Variants in SHISA9 observed in about 807,000 individuals in gnomAD.
SHISA9 encodes shisa family member 9.
SHISA9 carries 13 observed loss-of-function variants against 38.0 expected under a neutral mutation model. The ratio of observed to expected loss-of-function variants is 0.34; its 90% CI spans 0.22 to 0.54. The LOEUF is 0.54. SHISA9 is among the 20% of genes least tolerant of loss of function. The probability of loss-of-function intolerance (pLI) is 0.91; values close to 1 mark genes in which losing one functional copy is unlikely to be tolerated. For synonymous variants in SHISA9, 275 were observed against 242.0 expected (o/e 1.14, Z -1.27); for missense variants, 538 against 575.8 (o/e 0.93, Z 0.67).
chr16:13,197,156 TAGAG>T (rs369827299), intron 2 of SHISA9, among the ~76,000 whole-genome samples: 4,323 of 141,288 alleles, frequency 0.031, 78 homozygotes, highest in African/African-American at 0.04. Context: ...TATATATATA[TAGAG>T]AGAGAGAGAG....
At chr16:13,229,566 A>G (rs2051311372) in intron 4 of SHISA9, among the ~76,000 whole-genome samples, 1 of 152,196 alleles carries the variant, frequency 6.6e-6, no homozygotes, top group Non-Finnish European at 1.5e-5. Flanking sequence ...TCTGGGCCAC[A>G]ATCTCTGAAA....
intron 2 of SHISA9, among the ~76,000 whole-genome samples, chr16:13,028,917 G>A (rs895608954): frequency 2.0e-5 from 3 of 152,118 alleles, no homozygotes; most frequent in African/African-American, 7.2e-5. Flanking sequence ...GAGTGTGAGT[G>A]GGGGACGAGT....
At chr16:13,041,851 A>T (rs1338196512) in intron 2 of SHISA9, among the ~76,000 whole-genome samples, 8 of 152,178 alleles carry the variant, frequency 5.3e-5, no homozygotes, top group Admixed American at 5.2e-4. Flanking sequence ...CAATTCTAAT[A>T]AACTCCCTGG....
At chr16:13,551,103 G>T in the SHISA9 span, among the ~76,000 whole-genome samples, 1 of 148,594 alleles carries the variant, frequency 6.7e-6, no homozygotes, top group Non-Finnish European at 1.5e-5. Flanking sequence ...CAGCCTGGGC[G>T]ACAGTGAGAG....
At chr16:12,964,932 C>T (rs902621158) in intron 2 of SHISA9, among the ~76,000 whole-genome samples, 1 of 152,134 alleles carries the variant, frequency 6.6e-6, no homozygotes, top group Non-Finnish European at 1.5e-5. Context: ...TGGGAATTAA[C>T]TGATTATCAA....
intron 2 of SHISA9, among the ~76,000 whole-genome samples, chr16:12,958,485 G>T (rs1295978875): frequency 6.6e-6 from 1 of 152,194 alleles, no homozygotes; most frequent in Non-Finnish European, 1.5e-5. Context: ...CCCAGAGTGT[G>T]GGCCTCAGTT....
chr16:13,537,656 C>T, the SHISA9 span, among the ~76,000 whole-genome samples: 8 of 152,026 alleles, frequency 5.3e-5, no homozygotes, highest in African/African-American at 1.7e-4. Context: ...GAATTTTTGG[C>T]GGCCGTGGGA....
intron 2 of SHISA9, among the ~76,000 whole-genome samples, chr16:13,008,779 A>G (rs1247074307): frequency 6.6e-6 from 1 of 151,846 alleles, no homozygotes. Flanking sequence ...CCAGCCATAC[A>G]GAACTGTGAG....
chr16:13,440,256 T>C, the SHISA9 span, among the ~76,000 whole-genome samples: 1 of 152,200 alleles, frequency 6.6e-6, no homozygotes, highest in African/African-American at 2.4e-5. Flanking sequence ...TTGTATACCC[T>C]CTAATTCCCA....
chr16:13,201,637 T>C (rs1302114622), intron 2 of SHISA9, among the ~76,000 whole-genome samples: 1 of 131,288 alleles, frequency 7.6e-6, no homozygotes, highest in Non-Finnish European at 1.6e-5. Flanking sequence ...ACAGAAAAAG[T>C]TTCCCGACTC....
the SHISA9 span, among the ~76,000 whole-genome samples, chr16:13,314,686 T>A: frequency 6.6e-6 from 1 of 152,174 alleles, no homozygotes; most frequent in Admixed American, 6.5e-5. Flanking sequence ...CATAGATACA[T>A]CCATCATATC....
rs546814111 is a variant in SHISA9 at position 13,220,711 on chromosome 16, A to G, written c.895+7411A>G. On this transcript the variant is annotated intron_variant, in intron 4 of 4. Coordinates refer to ENST00000558583, the MANE Select transcript of SHISA9 (RefSeq NM_001145204.3). ...ATATAGCAGCAATGCACAGGAAGGC[A>G]GTGAGTGGATGCAGTTCCATCCAGA... 2.0e-5 allele frequency among the ~76,000 whole-genome samples: 3 copies of G among 152,342 alleles called. No individual in the cohort carries two copies. In the South Asian group the frequency reaches 6.2e-4, roughly 32 times the overall value.
intron 3 of SHISA9, among the ~76,000 whole-genome samples, chr16:13,207,276 A>G (rs1477914174): frequency 6.6e-6 from 1 of 152,176 alleles, no homozygotes; most frequent in Non-Finnish European, 1.5e-5. Context: ...GCAGAGGGAT[A>G]TTCTAACAGA....
chr16:12,983,163 C>G (rs1390245401), intron 2 of SHISA9, among the ~76,000 whole-genome samples: 1 of 152,178 alleles, frequency 6.6e-6, no homozygotes, highest in Non-Finnish European at 1.5e-5. Flanking sequence ...AAAAGCCAGG[C>G]TGCAGAGAGA....
chr16:13,348,846 A>T, the SHISA9 span, among the ~76,000 whole-genome samples: 1 of 152,130 alleles, frequency 6.6e-6, no homozygotes, highest in South Asian at 2.1e-4. Context: ...GCTGCCTGTT[A>T]CAGAGTTCCC....
chr16:13,438,608 C>T, the SHISA9 span, among the ~76,000 whole-genome samples: 69 of 152,180 alleles, frequency 4.5e-4, no homozygotes, highest in Admixed American at 1.5e-3. Context: ...CATTGTTATT[C>T]GGTATTTCTC....
At chr16:13,332,434 G>C in the SHISA9 span, 2 of 152,210 alleles carry the variant, frequency 1.3e-5, no homozygotes, top group African/African-American at 4.8e-5. Flanking sequence ...AGAGACCACA[G>C]GGCCAAGAAA....
Position 13,148,450 on chromosome 16 carries a change from C to A in SHISA9, c.692-54944C>A, listed in dbSNP as rs543664960. On this transcript the variant is annotated intron_variant, in intron 2 of 4. Transcript: ENST00000558583. ...ATATAGCACATAACTGCATCAAAAC[C>A]TTTTCACCCACAAAACATATATACC... Among the ~76,000 whole-genome samples the A allele has an allele frequency of 1.2e-4, 18 of 152,106 alleles. No homozygotes were observed. The South Asian group carries it at 3.7e-3, about 32-fold the overall frequency.
At chr16:13,367,903 T>A in the SHISA9 span, among the ~76,000 whole-genome samples, 122,913 of 151,610 alleles carry the variant, frequency 0.81, 49,988 homozygotes, top group East Asian at 0.96. Flanking sequence ...TTTTTAATTT[T>A]ATTTTATTTA....
Sources: gnomAD v4.1 joint callset for allele counts (sites outside exome capture counted in the v4.1 genomes callset) on GRCh38, gnomAD v4.1.1 for gene constraint, MANE v1.5 for transcripts, NCBI Gene and HGNC (gene_info 2026-07-23, HGNC 2026-07-21) for gene names.